PPP2R2C: variants seen among roughly 807,000 people sequenced by gnomAD.
PPP2R2C encodes the protein protein phosphatase 2 regulatory subunit Bgamma.
A neutral mutation model predicts 45.3 loss-of-function variants in PPP2R2C; 10 were observed. That is an observed-to-expected ratio of 0.22 (90% CI 0.14 to 0.37). PPP2R2C has a LOEUF of 0.37. PPP2R2C is among the 10% of genes least tolerant of loss of function. PPP2R2C has a pLI of 1.00. For missense variants in PPP2R2C, 308 were observed against 619.7 expected (o/e 0.50, Z 5.34); for synonymous variants, 257 against 245.4 (o/e 1.05, Z -0.44).
intron 2 of PPP2R2C, among the ~76,000 whole-genome samples, chr4:6,481,903 C>T (rs547777365): frequency 2.9e-5 from 4 of 139,252 alleles, no homozygotes; most frequent in Non-Finnish European, 6.1e-5. Context: ...AGCTTGAAGC[C>T]GGGAGGCAGA....
chr4:6,353,959 C>T (rs1462558406), intron 5 of PPP2R2C, among the ~76,000 whole-genome samples: 1 of 79,764 alleles, frequency 1.3e-5, no homozygotes, highest in African/African-American at 5.6e-5. Flanking sequence ...GCCCCCACAC[C>T]GCTCCTTCTC....
At chr4:6,352,152 C>T (rs1405147961) in intron 5 of PPP2R2C, among the ~76,000 whole-genome samples, 2 of 152,178 alleles carry the variant, frequency 1.3e-5, no homozygotes, top group Non-Finnish European at 2.9e-5. Context: ...TGACCACACT[C>T]GGTGGCTTTA....
chr4:6,526,554 AAG>A (rs1163922911), intron 2 of PPP2R2C, among the ~76,000 whole-genome samples: 3 of 152,208 alleles, frequency 2.0e-5, no homozygotes, highest in Non-Finnish European at 4.4e-5. Flanking sequence ...AAAAGAAAAG[AAG>A]AGGGGGTGGT....
chr4:6,475,191 G>T (rs929962421), upstream of PPP2R2C, among the ~76,000 whole-genome samples: 3 of 152,034 alleles, frequency 2.0e-5, no homozygotes, highest in African/African-American at 4.8e-5. Context: ...GGAGATGAAC[G>T]GGGATGGAGA....
At chr4:6,369,335 T>G (rs1170855990) in intron 5 of PPP2R2C, among the ~76,000 whole-genome samples, 1 of 152,220 alleles carries the variant, frequency 6.6e-6, no homozygotes, top group Non-Finnish European at 1.5e-5. Flanking sequence ...GCTGAGCCTG[T>G]ATTTTATTCC....
intron 1 of PPP2R2C, among the ~76,000 whole-genome samples, chr4:6,412,179 T>C (rs1343326241): frequency 6.6e-6 from 1 of 152,210 alleles, no homozygotes; most frequent in Non-Finnish European, 1.5e-5. Context: ...GATGGCATCA[T>C]AATAGTTTAA....
rs1312118358 is a variant in PPP2R2C at position 6,333,635 on chromosome 4, A to C, written c.887T>G (p.Met296Arg). ...DVKFSHSGRY[M>R]LTRDYLTVKV... ...GACTGTAAGGTAGTCCCGGGTGAGC[A>C]TGTAGCGGCCGCTGTGGCTGAACTT... is the stretch of plus-strand genomic sequence containing the variant. Residue 296 changes from methionine (M) to arginine (R), a missense_variant, in exon 7 of 9, where the codon ATG becomes AGG. Coordinates refer to ENST00000382599, the MANE Select transcript of PPP2R2C (RefSeq NM_020416.4). 2 of 1,614,122 alleles carry C rather than the reference A, an allele frequency of 1.2e-6. No individual in the cohort carries two copies. Among genetic ancestry groups the C allele is most frequent in the Admixed American group, 1.7e-5 (1 of 60,010 alleles).
chr4:6,438,922 G>T (rs928169407), intron 1 of PPP2R2C, among the ~76,000 whole-genome samples: 2 of 152,176 alleles, frequency 1.3e-5, no homozygotes, highest in African/African-American at 4.8e-5. Context: ...CACAGAGCAG[G>T]AGACAGAGCA....
rs1007159141 is a variant in PPP2R2C at position 6,323,461 on chromosome 4, C to A, written c.1185G>T (p.Val395=). 6.2e-6 allele frequency: 10 copies of A among 1,613,098 alleles called. No individual in the cohort carries two copies. The highest frequency in any genetic ancestry group is 2.7e-5 in the African/African-American group (2 of 74,930). The part of the protein sequence containing the change: ...RAVLKPRRVC[V]GGKRRRDDIS... ...TGTCATCACGCCGGCGCTTGCCCCC[C>A]ACGCACACGCGCCGTGGCTTGAGCA... Residue 395 remains valine, a synonymous_variant, in exon 9 of 9, where the codon GTG becomes GTT. Coordinates refer to ENST00000382599, the MANE Select transcript of PPP2R2C (RefSeq NM_020416.4).
At chr4:6,520,786 T>C (rs1400980641) in intron 2 of PPP2R2C, among the ~76,000 whole-genome samples, 1 of 152,220 alleles carries the variant, frequency 6.6e-6, no homozygotes, top group Non-Finnish European at 1.5e-5. Context: ...CAGGTATGCC[T>C]GCAGTCTTCC....
intron 2 of PPP2R2C, among the ~76,000 whole-genome samples, chr4:6,513,463 A>G (rs1475619291): frequency 6.6e-6 from 1 of 152,152 alleles, no homozygotes; most frequent in Non-Finnish European, 1.5e-5. Flanking sequence ...ACAGGGGGTG[A>G]AGAGTGAGCC....
chr4:6,486,956 C>T (rs189018891), intron 2 of PPP2R2C, among the ~76,000 whole-genome samples: 185 of 152,164 alleles, frequency 1.2e-3, no homozygotes, highest in African/African-American at 4.2e-3. Flanking sequence ...ATTAATTAAG[C>T]ATTGTTCAAT....
chr4:6,530,252 T>C (rs986979595), intron 2 of PPP2R2C, among the ~76,000 whole-genome samples: 1 of 152,120 alleles, frequency 6.6e-6, no homozygotes, highest in East Asian at 1.9e-4. Context: ...TCTTGAGTTC[T>C]CCTTGTTTCA....
At chr4:6,336,016 G>A (rs981067627) in intron 6 of PPP2R2C, among the ~76,000 whole-genome samples, 49 of 152,190 alleles carry the variant, frequency 3.2e-4, no homozygotes, top group Admixed American at 9.8e-4. Flanking sequence ...GCACTGCACC[G>A]GGTATCCTGA....
chr4:6,522,841 AAC>A (rs1724069846), intron 2 of PPP2R2C, among the ~76,000 whole-genome samples: 1 of 152,188 alleles, frequency 6.6e-6, no homozygotes, highest in Non-Finnish European at 1.5e-5. Context: ...GAGACAGACA[AAC>A]AGACAGACAC....
intron 6 of PPP2R2C, among the ~76,000 whole-genome samples, chr4:6,341,953 CGCAGCAATGAGAAGT>C (rs1733474699): frequency 6.6e-6 from 1 of 151,974 alleles, no homozygotes; most frequent in African/African-American, 2.4e-5. Flanking sequence ...CAATTGTTCC[CGCAGCAATGAGAAGT>C]GCGTATACAG....
At chr4:6,434,060 G>C (rs1195114281) in intron 1 of PPP2R2C, among the ~76,000 whole-genome samples, 1 of 151,956 alleles carries the variant, frequency 6.6e-6, no homozygotes, top group African/African-American at 2.4e-5. Context: ...CTACCAGAAG[G>C]AGTCTACACA....
intron 1 of PPP2R2C, among the ~76,000 whole-genome samples, chr4:6,448,593 A>G (rs1284891435): frequency 6.6e-6 from 1 of 151,906 alleles, no homozygotes; most frequent in Non-Finnish European, 1.5e-5. Flanking sequence ...CCTCCGTCTC[A>G]GGGCTGTTTC....
intron 1 of PPP2R2C, among the ~76,000 whole-genome samples, chr4:6,417,334 G>A (rs576330430): frequency 4.8e-4 from 73 of 152,354 alleles, no homozygotes; most frequent in African/African-American, 1.6e-3. Flanking sequence ...TCGGGGTTAC[G>A]TGAATTAAGG....
Sources: allele counts gnomAD v4.1 joint callset (sites outside exome capture counted in the v4.1 genomes callset), GRCh38; gene constraint gnomAD v4.1.1; transcripts MANE v1.5; gene names NCBI Gene and HGNC (gene_info 2026-07-23, HGNC 2026-07-21).